MYOM2: variants seen among roughly 807,000 people sequenced by gnomAD.
MYOM2 encodes myomesin 2, also known as myomesin-2.
In MYOM2, 254 loss-of-function variants were observed where a neutral mutation model predicts 187.6. The observed-to-expected ratio is 1.35, with a 90% CI of 1.22 to 1.50. The LOEUF is 1.50. Among genes scored for constraint, MYOM2 ranks in the 40% most tolerant of loss-of-function variants. The probability of loss-of-function intolerance (pLI) is 0.00; values close to 1 mark genes in which losing one functional copy is unlikely to be tolerated. For missense variants in MYOM2, 2,796 were observed against 1,924.0 expected (o/e 1.45, Z -8.48); for synonymous variants, 981 against 753.8 (o/e 1.30, Z -4.94).
At chr8:2,106,133 G>C (rs983522099) in intron 21 of MYOM2, 109 bp from the exon 22 acceptor site, 3 of 1,105,988 alleles carry the variant, frequency 2.7e-6, no homozygotes, top group Non-Finnish European at 1.3e-6. Flanking sequence ...TACAATTTGA[G>C]ATGAGATTTG....
At chr8:2,058,448 T>C (rs1046220970) in intron 5 of MYOM2, among the ~76,000 whole-genome samples, 3 of 152,178 alleles carry the variant, frequency 2.0e-5, no homozygotes, top group Non-Finnish European at 4.4e-5. Flanking sequence ...AACTCATAAG[T>C]GGAAAGCATA....
At position 2,074,596 on chromosome 8, in the gene MYOM2, A is replaced by T. The variant is rs185799482; in HGVS notation, c.1120+1096A>T. On this transcript the variant is annotated intron_variant, in intron 10 of 36. Transcript: ENST00000262113. ...CAGCCTCCCCGGTAGCTGGGACTAC[A>T]GGCATGTACCACCACGCCCGGCTAA... Among the ~76,000 whole-genome samples the T allele has an allele frequency of 3.7e-4, 57 of 152,284 alleles. 1 individual carries two copies. In the Middle Eastern group the frequency reaches 0.031, roughly 82 times the overall value.
At chr8:2,099,582 C>G (rs1201984257) in intron 19 of MYOM2, among the ~76,000 whole-genome samples, 2 of 152,150 alleles carry the variant, frequency 1.3e-5, no homozygotes, top group African/African-American at 4.8e-5. Context: ...ATTTAGCTCG[C>G]ACTCTACTGG....
At chr8:2,049,117 A>G (rs973943908) in intron 1 of MYOM2, among the ~76,000 whole-genome samples, 1 of 152,082 alleles carries the variant, frequency 6.6e-6, no homozygotes, top group South Asian at 2.1e-4. Flanking sequence ...ATGAGGTGCA[A>G]CGTTCCGTTA....
intron 15 of MYOM2, 147 bp from the exon 16 acceptor site, chr8:2,092,199 T>C: frequency 2.1e-6 from 2 of 948,048 alleles, no homozygotes; most frequent in East Asian, 2.4e-5. Flanking sequence ...CCGGGGCTCC[T>C]CTCCTACTCC....
At chr8:2,070,275 A>T (rs1819168329) in intron 8 of MYOM2, among the ~76,000 whole-genome samples, 1 of 152,236 alleles carries the variant, frequency 6.6e-6, no homozygotes, top group African/African-American at 2.4e-5. Flanking sequence ...TTTTACTGTA[A>T]TGCGAGGCTT....
chr8:2,113,504 A>G (rs1348980270), intron 25 of MYOM2, among the ~76,000 whole-genome samples: 1 of 152,150 alleles, frequency 6.6e-6, no homozygotes, highest in Non-Finnish European at 1.5e-5. Context: ...GGCTGCACCA[A>G]GGCAGGGAGG....
chr8:2,104,807 A>G (rs1796837737), intron 21 of MYOM2, among the ~76,000 whole-genome samples: 1 of 151,930 alleles, frequency 6.6e-6, no homozygotes, highest in African/African-American at 2.4e-5. Flanking sequence ...GCTTTATAAC[A>G]TTTACTCTCA....
rs551525369 is a variant in MYOM2 at position 2,055,819 on chromosome 8, G to A, written c.264-1529G>A. On this transcript the variant is annotated intron_variant, in intron 3 of 36. Transcript: ENST00000262113. ...CTGCAGCGGGTCTCAGTTCTCCCCA[G>A]GTCTCTGGACAGCCGTGATGCTACG... Among the ~76,000 whole-genome samples the A allele has an allele frequency of 5.4e-4, 83 of 152,304 alleles. 1 individual carries two copies. The East Asian group carries it at 0.013, about 24-fold the overall frequency.
intron 11 of MYOM2, 147 bp from the exon 12 acceptor site, chr8:2,078,587 C>G (rs1819512689): frequency 3.0e-6 from 2 of 673,080 alleles, no homozygotes; most frequent in Non-Finnish European, 2.6e-6. Context: ...TTTATCTATA[C>G]AAGTCAATAT....
chr8:2,086,171 C>T lies in MYOM2; in HGVS notation c.1644+781C>T, dbSNP rs1379332987. ...GCGTGGCCCCCCACTGTTGTGATCT[C>T]TGCGTGGCCCCACTGTCATGATCTC... On this transcript the variant is annotated intron_variant, in intron 14 of 36. Transcript: ENST00000262113. 8.8e-4 allele frequency among the ~76,000 whole-genome samples: 10 copies of T among 11,394 alleles called. 1 individual carries two copies. The highest frequency in any genetic ancestry group is 1.1e-3 in the Non-Finnish European group (7 of 6,394). 7.5% of individuals were successfully genotyped at this position (11,394 alleles called of 152,430 possible).
At chr8:2,109,871 C>G (rs1207116676) in intron 25 of MYOM2, among the ~76,000 whole-genome samples, 5 of 152,168 alleles carry the variant, frequency 3.3e-5, no homozygotes, top group South Asian at 2.1e-4. Flanking sequence ...TTGAAGGTAT[C>G]TATTTTTTGC....
chr8:2,100,983 G>T lies in MYOM2; in HGVS notation c.2548G>T (p.Asp850Tyr), dbSNP rs748053873. The change falls in exon 20 of 37, where the codon GAC (aspartate) becomes TAC (tyrosine). Residue 850 changes from aspartate to tyrosine, a missense_variant. Asp to Tyr is a radical substitution (Grantham distance 160). Coordinates refer to ENST00000262113, the MANE Select transcript of MYOM2 (RefSeq NM_003970.4). Reference protein sequence around the residue: ...GSSPVSGYFVDFREEDAGEWI... With the variant: ...GSSPVSGYFVYFREEDAGEWI... ...CAGCCCTGTTTCTGGATATTTCGTG[G>T]ACTTCAGGGAGGAGGATGCTGGAGA... 2 of 1,614,188 alleles carry T rather than the reference G, an allele frequency of 1.2e-6. No individual in the cohort carries two copies. Among genetic ancestry groups the T allele is most frequent in the Non-Finnish European group, 1.7e-6 (2 of 1,180,028 alleles).
chr8:2,095,638 C>T (rs1270778542), intron 17 of MYOM2, among the ~76,000 whole-genome samples: 1 of 152,178 alleles, frequency 6.6e-6, no homozygotes, highest in African/African-American at 2.4e-5. Context: ...TCACCTGTGT[C>T]TCAGGTAACA....
At chr8:2,143,380 C>T in intron 35 of MYOM2, 21 bp from the exon 36 acceptor site, 5 of 1,614,210 alleles carry the variant, frequency 3.1e-6, no homozygotes, top group Non-Finnish European at 4.2e-6. Flanking sequence ...TTTTCCTAAC[C>T]AAGGTGCTTT....
intron 19 of MYOM2, among the ~76,000 whole-genome samples, chr8:2,099,923 G>T (rs1159584115): frequency 6.6e-6 from 1 of 152,296 alleles, no homozygotes; most frequent in African/African-American, 2.4e-5. Flanking sequence ...TTTAGTCAGC[G>T]TCTTTTGAGT....
Position 2,144,814 on chromosome 8 carries a change from G to T in MYOM2, c.4231G>T (p.Glu1411Ter), listed in dbSNP as rs140112046. Residue 1411 changes from glutamate to a stop codon, truncating the protein, a stop_gained, in exon 37 of 37, where the codon GAG becomes TAG. Coordinates refer to ENST00000262113, the MANE Select transcript of MYOM2 (RefSeq NM_003970.4). LOFTEE classifies it high-confidence loss of function. ...VSMTIKGVTS[E>*]DSGKYSINIK... Reference sequence around the variant, plus strand: ...CATGACCATCAAAGGCGTGACCTCCGAGGACTCGGGCAAGTACAGCATCAA... The same window carrying T: ...CATGACCATCAAAGGCGTGACCTCCTAGGACTCGGGCAAGTACAGCATCAA... The T allele has an allele frequency of 6.2e-7, 1 of 1,614,188 alleles. No individual in the cohort carries two copies. The highest frequency in any genetic ancestry group is 1.1e-5 in the South Asian group (1 of 91,070).
chr8:2,104,515 G>A (rs1796827458), intron 21 of MYOM2, among the ~76,000 whole-genome samples: 1 of 151,972 alleles, frequency 6.6e-6, no homozygotes, highest in Non-Finnish European at 1.5e-5. Context: ...GGAGGCAGGA[G>A]AATGGGGTGA....
At position 2,069,381 on chromosome 8, in the gene MYOM2, G is replaced by C; in HGVS notation, c.742+15G>C. ...GGTGGTGAGAAGTGAGTGCCGGGTGGGCTTTCACGGGGCACCTCCCGCCTC... is the reference window on the plus strand; with the variant it reads ...GGTGGTGAGAAGTGAGTGCCGGGTGCGCTTTCACGGGGCACCTCCCGCCTC... On this transcript the variant is annotated intron_variant, in intron 7 of 36. Transcript: ENST00000262113. 6.2e-7 allele frequency: 1 copy of C among 1,613,880 alleles called. No homozygotes were observed. Among genetic ancestry groups the C allele is most frequent in the African/African-American group, 1.3e-5 (1 of 75,038 alleles).
Sources: allele counts gnomAD v4.1 joint callset (sites outside exome capture counted in the v4.1 genomes callset), GRCh38; gene constraint gnomAD v4.1.1; transcripts MANE v1.5; gene names NCBI Gene and HGNC (gene_info 2026-07-23, HGNC 2026-07-21).